EML6: variants seen among roughly 807,000 people sequenced by gnomAD.
EML6 encodes EMAP like 6, also known as echinoderm microtubule-associated protein-like 6.
A neutral mutation model predicts 240.1 loss-of-function variants in EML6; 154 were observed. The observed-to-expected ratio is 0.64, with a 90% CI of 0.56 to 0.73. EML6 has a LOEUF of 0.73. Ranked by LOEUF, EML6 falls within the 30% of genes least tolerant of loss-of-function variation. The pLI is 0.00. For synonymous variants in EML6, 1,148 were observed against 899.0 expected, an observed-to-expected ratio of 1.28 and a Z score of -4.95; for missense variants, 2,964 against 2,474.6, an observed-to-expected ratio of 1.20 and a Z score of -4.20.
intron 29 of EML6, among the ~76,000 whole-genome samples, chr2:54,950,169 G>C (rs568747441): frequency 6.6e-6 from 1 of 152,138 alleles, no homozygotes; most frequent in South Asian, 2.1e-4. Flanking sequence ...TGGCAAATAT[G>C]TAGCAACTTT....
chr2:54,845,290 A>G (rs1669687248), intron 8 of EML6, among the ~76,000 whole-genome samples: 1 of 151,952 alleles, frequency 6.6e-6, no homozygotes, highest in Non-Finnish European at 1.5e-5. Flanking sequence ...CACTTTACTC[A>G]CTTCTCCTTT....
intron 30 of EML6, among the ~76,000 whole-genome samples, chr2:54,951,397 G>C (rs1675968853): frequency 6.6e-6 from 1 of 152,080 alleles, no homozygotes; most frequent in Admixed American, 6.5e-5. Context: ...GCCAGGCATG[G>C]TGGCAGGTGC....
In EML6 at chr2:54,725,106, G is replaced by A. The variant is rs1229420696; in HGVS notation, c.45G>A (p.Trp15Ter). 6.5e-7 allele frequency: 1 copy of A among 1,536,688 alleles called. No individual in the cohort carries two copies. Among genetic ancestry groups the A allele is most frequent in the Non-Finnish European group, 8.8e-7 (1 of 1,140,604 alleles). ...TAPRCQLRLEWVYGYRGHQCR... is the reference protein window; with the variant it reads ...TAPRCQLRLE ...CCCGCTGCCAGCTCCGGCTGGAGTG[G>A]GTGTACGGGTACCGGGGTCACCAGT... The change falls in exon 2 of 42, where the codon TGG becomes TGA. Residue 15 changes from tryptophan (W) to a stop codon, truncating the protein, a stop_gained. Coordinates refer to ENST00000356458, the MANE Select transcript of EML6 (RefSeq NM_001039753.4). LOFTEE classifies it high-confidence loss of function. The surrounding 1 kb of genome is among the most constrained non-coding windows in gnomAD (Gnocchi z 4.3).
chr2:54,787,812 G>T (rs1669169845), intron 2 of EML6, among the ~76,000 whole-genome samples: 1 of 152,132 alleles, frequency 6.6e-6, no homozygotes, highest in South Asian at 2.1e-4. Flanking sequence ...TTGTTCAAGT[G>T]TCCATTGTCA....
chr2:54,929,468 ACT>A (rs1357627841), intron 28 of EML6, among the ~76,000 whole-genome samples: 2 of 152,202 alleles, frequency 1.3e-5, no homozygotes, highest in African/African-American at 4.8e-5. Context: ...TTGAATAAAA[ACT>A]CTTAATAACT....
Position 54,910,968 on chromosome 2 carries a change from G to A in EML6, c.3424G>A (p.Val1142Met), listed in dbSNP as rs1276296855. The change falls in exon 25 of 42, where the codon GTG becomes ATG. Residue 1142 changes from valine to methionine, a missense_variant. By Grantham distance (21) the Val-to-Met change is conservative. Coordinates refer to ENST00000356458, the MANE Select transcript of EML6 (RefSeq NM_001039753.4). ...TGTCGTAACAGGAAAATTATTGCAA[G>A]TGAATTCAGGTGCCAGAGAACAACT... ...DWDSRGKLLQ[V>M]NSGAREQLFF... is the part of the protein sequence containing the mutation. The A allele has an allele frequency of 1.3e-6, 2 of 1,531,840 alleles. No individual in the cohort carries two copies. Among genetic ancestry groups the A allele is most frequent in the East Asian group, 2.5e-5 (1 of 40,770 alleles). The allele number at this position is 1,531,840 out of a possible 1,614,324, so 94.9% of individuals were successfully genotyped here.
chr2:54,807,514 C>G (rs920141641), intron 2 of EML6, among the ~76,000 whole-genome samples: 5 of 152,132 alleles, frequency 3.3e-5, no homozygotes, highest in African/African-American at 9.7e-5. Context: ...ATTTGTAGCA[C>G]TTAGTGATTT....
intron 2 of EML6, among the ~76,000 whole-genome samples, chr2:54,789,232 G>T (rs759016893): frequency 1.3e-5 from 2 of 151,952 alleles, no homozygotes; most frequent in Non-Finnish European, 2.9e-5. Flanking sequence ...TGTGCTTTCC[G>T]GCCGGGCGCG....
chr2:54,882,440 T>A (rs1671866723), intron 17 of EML6: 1 of 152,124 alleles, frequency 6.6e-6, no homozygotes, highest in Non-Finnish European at 1.5e-5. Flanking sequence ...TGTGCTCCTT[T>A]ATTTGTGCTT....
chr2:54,750,090 C>T (rs1345294716), intron 2 of EML6, among the ~76,000 whole-genome samples: 1 of 152,226 alleles, frequency 6.6e-6, no homozygotes, highest in Non-Finnish European at 1.5e-5. Flanking sequence ...TGGCACAGAG[C>T]AGGGCCCTGC....
At chr2:54,833,419 A>C (rs7565802) in intron 7 of EML6, among the ~76,000 whole-genome samples, 32,342 of 152,254 alleles carry the variant, frequency 0.21, 4,278 homozygotes, top group East Asian at 0.37. Context: ...TAAGCTCAGA[A>C]AAAAATGATA....
At chr2:54,741,573 A>T (rs1683634930) in intron 2 of EML6, among the ~76,000 whole-genome samples, 1 of 152,214 alleles carries the variant, frequency 6.6e-6, no homozygotes, top group Non-Finnish European at 1.5e-5. Context: ...TTCTCCACAA[A>T]AAAGAACAGA....
intron 26 of EML6, among the ~76,000 whole-genome samples, chr2:54,922,859 T>G (rs1270495467): frequency 1.3e-5 from 2 of 149,736 alleles, no homozygotes; most frequent in Non-Finnish European, 3.0e-5. Flanking sequence ...CTCACAGAAG[T>G]AGAGAGTAGA....
Position 54,843,610 on chromosome 2 carries a change from C to T in EML6, c.848-437C>T, listed in dbSNP as rs549058192. On this transcript the variant is annotated intron_variant, in intron 7 of 41. Transcript: ENST00000356458. ...CTGTAAACCCAGCACTTTGGGAGTC[C>T]GAGGCGGGCGGATCACGAGGTCAGG... Among the ~76,000 whole-genome samples the T allele has an allele frequency of 4.1e-4, 62 of 152,026 alleles. 1 individual carries two copies. Among genetic ancestry groups the T allele is most frequent in the East Asian group, 1.9e-3 (10 of 5,172 alleles).
chr2:54,952,586 T>A lies in EML6; in HGVS notation c.4214-8T>A, dbSNP rs1340108102. On this transcript the variant is annotated splice_polypyrimidine_tract_variant and splice_region_variant and intron_variant, in intron 30 of 41. Transcript: ENST00000356458. ...ACTGTTCACCCTCCCATGATCTCTC[T>A]CCCCCAGGGAGCCAGAGCTTCTATC... The A allele has an allele frequency of 3.9e-6, 6 of 1,544,386 alleles. No individual in the cohort carries two copies. The highest frequency in any genetic ancestry group is 5.3e-6 in the Non-Finnish European group (6 of 1,141,206).
At chr2:54,862,964 A>C (rs1004434577) in intron 12 of EML6, among the ~76,000 whole-genome samples, 8 of 152,216 alleles carry the variant, frequency 5.3e-5, no homozygotes, top group African/African-American at 9.7e-5. Context: ...GTAACCTTTG[A>C]AATGTAAGTG....
intron 2 of EML6, among the ~76,000 whole-genome samples, chr2:54,740,344 G>C (rs1421990305): frequency 6.6e-6 from 1 of 152,124 alleles, no homozygotes; most frequent in Admixed American, 6.6e-5. Flanking sequence ...GGCAAACCAG[G>C]GAAGTAGAAT....
At chr2:54,925,028 C>G (rs1573154451) in intron 26 of EML6, among the ~76,000 whole-genome samples, 1 of 152,108 alleles carries the variant, frequency 6.6e-6, no homozygotes, top group Admixed American at 6.5e-5. Context: ...TGTGTCTTCC[C>G]AAATCTGTGT....
At chr2:54,744,082 T>C (rs1464288243) in intron 2 of EML6, among the ~76,000 whole-genome samples, 1 of 150,556 alleles carries the variant, frequency 6.6e-6, no homozygotes, top group Non-Finnish European at 1.5e-5. Flanking sequence ...CATTGGACAA[T>C]TCTGGGCATT....
Sources: allele counts gnomAD v4.1 joint callset (sites outside exome capture counted in the v4.1 genomes callset), GRCh38; gene constraint gnomAD v4.1.1; non-coding constraint Gnocchi (gnomAD v3.1); transcripts MANE v1.5; gene names NCBI Gene and HGNC (gene_info 2026-07-23, HGNC 2026-07-21).